Variants in SCAMP4 observed in about 807,000 individuals in gnomAD.
SCAMP4 encodes the protein secretory carrier membrane protein 4.
SCAMP4 carries 19 observed loss-of-function variants against 32.1 expected under a neutral mutation model. The ratio of observed to expected loss-of-function variants is 0.59; its 90% confidence interval spans 0.41 to 0.87. SCAMP4 has a LOEUF of 0.87. SCAMP4 is among the 40% of genes least tolerant of loss of function. SCAMP4 has a pLI of 0.00. For missense variants in SCAMP4, 302 were observed against 309.0 expected (o/e 0.98, Z 0.17); for synonymous variants, 152 against 132.7 (o/e 1.15, Z -1.00).
chr19:1,920,908 G>A (rs1054085989), intron 5 of SCAMP4: 12 of 985,294 alleles, frequency 1.2e-5, no homozygotes, highest in African/African-American at 1.7e-5. Context: ...CCTCGTGCAC[G>A]TGCGGCAGCA....
chr19:1,908,499 TCCATA>T lies in SCAMP4; in HGVS notation c.-42+3064_-42+3068del, dbSNP rs1442725550. On this transcript the variant is annotated intron_variant, in intron 1 of 6. Coordinates refer to ENST00000316097, the MANE Select transcript of SCAMP4 (RefSeq NM_079834.4). This position sits in a 1 kb window ranked among gnomAD's most constrained non-coding sequence, Gnocchi z 4.2. ...ACATCCCTGTCTGCGGGAGGAGCCG[TCCATA>T]CCAGCGGGGATGTGTAGTCCAGGCT... is the stretch of plus-strand genomic sequence containing the variant. The T allele has an allele frequency of 4.2e-6, 2 of 470,744 alleles. No individual in the cohort carries two copies. Among genetic ancestry groups the T allele is most frequent in the Non-Finnish European group, 8.8e-6 (2 of 226,978 alleles). The allele number at this position is 470,744 out of a possible 1,614,324, so 29.2% of individuals were successfully genotyped here.
intron 2 of SCAMP4, among the ~76,000 whole-genome samples, chr19:1,916,271 AGTC>A (rs1368761620): frequency 2.0e-5 from 3 of 149,892 alleles, no homozygotes; most frequent in African/African-American, 7.3e-5. Flanking sequence ...ATACAGGAGG[AGTC>A]GTCGTGGAGA....
In SCAMP4 at chr19:1,915,249, C is replaced by G. The variant is rs537491466; in HGVS notation, c.7+223C>G. ...TGTATCCGCTCGGACGCCTCACTGA[C>G]CCGAAGCACAGCCCAGCCGGGTGCC... On this transcript the variant is annotated intron_variant, in intron 2 of 6. Transcript: ENST00000316097. Among the ~76,000 whole-genome samples the G allele has an allele frequency of 4.6e-5, 7 of 152,334 alleles. No homozygotes were observed. The South Asian group carries it at 1.2e-3, about 27-fold the overall frequency.
At chr19:1,906,031 C>G (rs992805292) in intron 1 of SCAMP4, 4 of 152,226 alleles carry the variant, frequency 2.6e-5, no homozygotes, top group African/African-American at 4.8e-5. Flanking sequence ...AGAAGGCCTC[C>G]TTGTAGGGTG....
chr19:1,921,796 A>G (rs369500663), intron 5 of SCAMP4: 9 of 984,464 alleles, frequency 9.1e-6, no homozygotes, highest in Non-Finnish European at 1.1e-5. Context: ...CCTGGGCAAC[A>G]TAGGGAGAAA....
At chr19:1,915,491 A>G (rs1202125795) in intron 2 of SCAMP4, 1 of 202,876 alleles carries the variant, frequency 4.9e-6, no homozygotes, top group East Asian at 1.2e-4. Context: ...GGGGGCTCCC[A>G]GTGCCACGCT....
chr19:1,920,771 G>A (rs944158640), intron 5 of SCAMP4: 21 of 985,344 alleles, frequency 2.1e-5, no homozygotes, highest in South Asian at 4.7e-5. Context: ...CCGCCTCCCC[G>A]GTGCGTCCCC....
In SCAMP4 at chr19:1,912,700, C is replaced by G. The variant is rs1033232406; in HGVS notation, c.-41-2279C>G. The G allele has an allele frequency of 8.1e-6, 12 of 1,485,908 alleles. No homozygotes were observed. The African/African-American group carries it at 1.8e-4, about 22-fold the overall frequency. 92.0% of individuals were successfully genotyped at this position (1,485,908 alleles called of 1,614,324 possible). A position where few individuals can be genotyped will look rare whatever the true frequency, so the allele number is the denominator to read the frequency against. ...GCCGTGGGGGCCGTGGTAGTGGACCCGGCCTCGGACCGCGTGCTGGCCACC... is the reference window on the plus strand; with the variant it reads ...GCCGTGGGGGCCGTGGTAGTGGACCGGGCCTCGGACCGCGTGCTGGCCACC... On this transcript the variant is annotated intron_variant, in intron 1 of 6. Transcript: ENST00000316097.
intron 1 of SCAMP4, among the ~76,000 whole-genome samples, chr19:1,909,010 C>G (rs1243065267): frequency 1.3e-5 from 2 of 151,790 alleles, no homozygotes; most frequent in African/African-American, 2.4e-5. Context: ...GGGGCTGAGG[C>G]AGGAGAATCG....
chr19:1,912,672 CGGGCCGTGG>C lies in SCAMP4; in HGVS notation c.-41-2297_-41-2289del, dbSNP rs745814494. ...CCGGCGGGCAGCAGCGCGGGGCTTGCGGGCCGTGGGGGCCGTGGTAGTGGACCCGGCCTC... is the reference window on the plus strand; with the variant it reads ...CCGGCGGGCAGCAGCGCGGGGCTTGCGGGCCGTGGTAGTGGACCCGGCCTC... On this transcript the variant is annotated intron_variant, in intron 1 of 6. Coordinates refer to ENST00000316097, the MANE Select transcript of SCAMP4 (RefSeq NM_079834.4). The C allele has an allele frequency of 1.4e-4, 207 of 1,437,598 alleles. No homozygotes were observed. The highest frequency in any genetic ancestry group is 1.8e-4 in the Middle Eastern group (1 of 5,430). 89.1% of individuals were successfully genotyped at this position (1,437,598 alleles called of 1,614,324 possible).
chr19:1,918,704 G>A, intron 4 of SCAMP4, 185 bp from the exon 5 acceptor site: 1 of 909,912 alleles, frequency 1.1e-6, no homozygotes, highest in Non-Finnish European at 1.6e-6. Flanking sequence ...AGAGGTTGCA[G>A]TGAGCCGAGA....
intron 5 of SCAMP4, chr19:1,921,704 A>G: frequency 1.0e-6 from 1 of 985,386 alleles, no homozygotes; most frequent in Non-Finnish European, 1.2e-6. Context: ...GAGGCCAGGC[A>G]TGGTGGCTGA....
chr19:1,916,545 A>G (rs1374366048), intron 2 of SCAMP4, among the ~76,000 whole-genome samples: 1 of 152,046 alleles, frequency 6.6e-6, no homozygotes. Context: ...TGCAGCTTTA[A>G]CTTCCTGGGT....
chr19:1,914,649 C>T (rs11666609), intron 1 of SCAMP4: 198,108 of 405,444 alleles, frequency 0.49, 54,471 homozygotes, highest in Non-Finnish European at 0.6. Context: ...CACCTTGTGG[C>T]GCCCACCCCT....
intron 1 of SCAMP4, chr19:1,912,827 A>G (rs894481495): frequency 4.4e-6 from 7 of 1,590,600 alleles, no homozygotes; most frequent in Middle Eastern, 1.7e-4. Context: ...ACGACTTCAG[A>G]CCCTTCCCCG....
intron 5 of SCAMP4, chr19:1,922,555 C>T (rs1030354530): frequency 3.0e-6 from 3 of 985,266 alleles, no homozygotes; most frequent in Non-Finnish European, 3.6e-6. Flanking sequence ...TTCTAATGGT[C>T]CCTCAGTGCC....
chr19:1,907,391 T>TAAAA lies in SCAMP4; in HGVS notation c.-42+1963_-42+1966dup, dbSNP rs111426560. Among the ~76,000 whole-genome samples the TAAAA allele has an allele frequency of 3.1e-3, 432 of 137,344 alleles. 2 individuals are homozygous for TAAAA. The highest frequency in any genetic ancestry group is 0.011 in the African/African-American group (391 of 36,764). 90.1% of individuals were successfully genotyped at this position (137,344 alleles called of 152,430 possible). A position where few individuals can be genotyped will look rare whatever the true frequency, so the allele number is the denominator to read the frequency against. On this transcript the variant is annotated intron_variant, in intron 1 of 6. Transcript: ENST00000316097. ...TCTTATGTACCTGACAGCCCTGCCT[T>TAAAA]AAAAAAAAAAAAAAGGTAGAGCAGG...
At chr19:1,913,027 C>T (rs1338593011) in intron 1 of SCAMP4, 5 of 1,605,018 alleles carry the variant, frequency 3.1e-6, no homozygotes, top group Non-Finnish European at 3.4e-6. Flanking sequence ...TACGGTGCGC[C>T]CTCGCCCGAC....
At chr19:1,906,233 G>C (rs186476230) in intron 1 of SCAMP4, 2 of 152,260 alleles carry the variant, frequency 1.3e-5, no homozygotes, top group East Asian at 1.9e-4. Flanking sequence ...GGTGTCACGC[G>C]CCTGTAAAAC....
Sources: gnomAD v4.1 joint callset for allele counts (sites outside exome capture counted in the v4.1 genomes callset) on GRCh38, gnomAD v4.1.1 for gene constraint, Gnocchi (gnomAD v3.1) non-coding constraint, MANE v1.5 for transcripts, NCBI Gene and HGNC (gene_info 2026-07-23, HGNC 2026-07-21) for gene names.